GTF2A1: variants seen among roughly 807,000 people sequenced by gnomAD.
The protein encoded by GTF2A1 is general transcription factor IIA subunit 1.
GTF2A1 carries 12 observed loss-of-function variants against 54.1 expected under a neutral mutation model. The observed-to-expected ratio is 0.22, with a 90% CI of 0.14 to 0.36. The LOEUF is 0.36. Among genes scored for constraint, GTF2A1 ranks in the 10% least tolerant of loss-of-function variants. The pLI, the probability that GTF2A1 is intolerant of heterozygous loss-of-function variation, is 1.00. For missense variants in GTF2A1, 335 were observed against 442.2 expected (o/e 0.76, Z 2.17); for synonymous variants, 145 against 152.0 (o/e 0.95, Z 0.34).
chr14:81,203,390 T>C (rs756520679), intron 3 of GTF2A1, among the ~76,000 whole-genome samples: 1 of 152,222 alleles, frequency 6.6e-6, no homozygotes, highest in African/African-American at 2.4e-5. Flanking sequence ...CATAAATTCC[T>C]ATGGAGCTGA....
chr14:81,194,894 G>A (rs1178329998), intron 6 of GTF2A1, among the ~76,000 whole-genome samples: 1 of 152,222 alleles, frequency 6.6e-6, no homozygotes, highest in African/African-American at 2.4e-5. Context: ...CATAATCCCA[G>A]CACTTTGGGA....
chr14:81,207,486 T>C, intron 2 of GTF2A1, among the ~76,000 whole-genome samples: 1 of 152,168 alleles, frequency 6.6e-6, no homozygotes, highest in Non-Finnish European at 1.5e-5. Context: ...TTTGGGTATG[T>C]CTTCATCAGC....
In GTF2A1 at chr14:81,196,173, C is replaced by A. The variant is rs756534940; in HGVS notation, c.547G>T (p.Val183Phe). 1 of 1,613,878 alleles carries A rather than the reference C, an allele frequency of 6.2e-7. No individual in the cohort carries two copies. The highest frequency in any genetic ancestry group is 8.5e-7 in the Non-Finnish European group (1 of 1,179,764). The change falls in exon 6 of 9, where the codon GTT (valine) becomes TTT (phenylalanine). Residue 183 changes from valine (V) to phenylalanine (F), a missense_variant. Physicochemically the swap from Val to Phe is conservative, Grantham distance 50. Around this residue, in one of 2 missense-constraint regions of GTF2A1, gnomAD observed 306 missense variants for 360.4 expected, o/e 0.85. Coordinates refer to ENST00000553612, the MANE Select transcript of GTF2A1 (RefSeq NM_015859.4). ...QYIFQPQQSV[V>F]LQQQVIPQMQ... ...TGTGGTATAACCTGTTGTTGTAGAACCACTGACTGCTGAGGCTGAAAGATA... is the reference window on the plus strand; with the variant it reads ...TGTGGTATAACCTGTTGTTGTAGAAACACTGACTGCTGAGGCTGAAAGATA...
chr14:81,207,696 T>A lies in GTF2A1; in HGVS notation c.133-3592A>T, dbSNP rs567505660. Among the ~76,000 whole-genome samples, 317 of 152,282 alleles carry A rather than the reference T, an allele frequency of 2.1e-3. 1 individual carries two copies. The highest frequency in any genetic ancestry group is 7.3e-3 in the African/African-American group (304 of 41,550). The stretch of plus-strand genomic sequence containing the variant: ...ACTTGTTGAATGGCTTTGACGAAAA[T>A]GCTGATAGTGATATGAACAATAAGG... On this transcript the variant is annotated intron_variant, in intron 2 of 8. Coordinates refer to ENST00000553612, the MANE Select transcript of GTF2A1 (RefSeq NM_015859.4).
chr14:81,208,725 G>A (rs1893297146), intron 2 of GTF2A1, among the ~76,000 whole-genome samples: 1 of 152,192 alleles, frequency 6.6e-6, no homozygotes, highest in South Asian at 2.1e-4. Flanking sequence ...CCAAGACCGT[G>A]GGAACCCACC....
At chr14:81,180,770 C>T (rs1033634443) in intron 8 of GTF2A1, among the ~76,000 whole-genome samples, 1 of 152,098 alleles carries the variant, frequency 6.6e-6, no homozygotes. Flanking sequence ...TATTTCTTTA[C>T]AAAATGTCTT....
At chr14:81,206,159 C>G (rs139148821) in intron 2 of GTF2A1, among the ~76,000 whole-genome samples, 2 of 152,224 alleles carry the variant, frequency 1.3e-5, no homozygotes, top group East Asian at 3.9e-4. Context: ...TACGAAGCTC[C>G]TATGATAATG....
chr14:81,195,545 T>C (rs1371713828), intron 6 of GTF2A1, among the ~76,000 whole-genome samples: 1 of 141,370 alleles, frequency 7.1e-6, no homozygotes, highest in Non-Finnish European at 1.5e-5. Context: ...GGCAGGAGAA[T>C]GGCATGAACC....
At chr14:81,211,875 TTATA>T (rs757044041) in intron 2 of GTF2A1, among the ~76,000 whole-genome samples, 1,078 of 68,464 alleles carry the variant, frequency 0.016, 62 homozygotes, top group African/African-American at 0.047. Context: ...ATCAAGTACT[TTATA>T]TATATATATA....
chr14:81,202,580 G>A (rs1893137380), intron 3 of GTF2A1: 2 of 481,920 alleles, frequency 4.2e-6, no homozygotes, highest in Non-Finnish European at 8.2e-6. Context: ...CATCAATATG[G>A]TGGCCTCCTG....
At chr14:81,219,295 T>C (rs1893554930) in intron 1 of GTF2A1, among the ~76,000 whole-genome samples, 1 of 152,114 alleles carries the variant, frequency 6.6e-6, no homozygotes. Flanking sequence ...AGAAATAAAC[T>C]GAGCTCTGCA....
At chr14:81,207,534 T>C (rs765681403) in intron 2 of GTF2A1, among the ~76,000 whole-genome samples, 12 of 151,918 alleles carry the variant, frequency 7.9e-5, no homozygotes, top group African/African-American at 2.4e-4. Context: ...CTGGTACCAG[T>C]AGAGTCAGGG....
chr14:81,209,441 G>A (rs1033629694), intron 2 of GTF2A1, among the ~76,000 whole-genome samples: 1 of 152,118 alleles, frequency 6.6e-6, no homozygotes, highest in African/African-American at 2.4e-5. Context: ...TTTATCAGCA[G>A]TATGTATACG....
chr14:81,203,728 C>A (rs1191094470), intron 3 of GTF2A1, among the ~76,000 whole-genome samples, 172 bp downstream of exon 3: 1 of 152,116 alleles, frequency 6.6e-6, no homozygotes, highest in Non-Finnish European at 1.5e-5. Flanking sequence ...CATCCCTCAG[C>A]CAAGAGAAAG....
chr14:81,210,452 G>C (rs1893338560), intron 2 of GTF2A1, among the ~76,000 whole-genome samples: 1 of 151,870 alleles, frequency 6.6e-6, no homozygotes, highest in Admixed American at 6.6e-5. Flanking sequence ...AGATCACGAG[G>C]GCAGGAGTTC....
At chr14:81,185,644 A>C (rs754637680) in intron 7 of GTF2A1, 24 bp from the exon 8 acceptor site, 4 of 1,310,078 alleles carry the variant, frequency 3.1e-6, no homozygotes, top group Non-Finnish European at 3.3e-6. Context: ...GAGAGTTCTT[A>C]TTACTATAAG....
At position 81,197,392 on chromosome 14, in the gene GTF2A1, C is replaced by T; in HGVS notation, c.478+17G>A. Reference sequence around the variant, plus strand: ...TTCTGAATTACATTTTAAAATGGTTCCATCATTCCTAATTACCTGAATTTG... The same window carrying T: ...TTCTGAATTACATTTTAAAATGGTTTCATCATTCCTAATTACCTGAATTTG... On this transcript the variant is annotated intron_variant, in intron 5 of 8. Transcript: ENST00000553612. 1.5e-6 allele frequency: 2 copies of T among 1,341,004 alleles called. No homozygotes were observed. Among genetic ancestry groups the T allele is most frequent in the Non-Finnish European group, 1.1e-6 (1 of 943,292 alleles). The allele number at this position is 1,341,004 out of a possible 1,614,324, so 83.1% of individuals were successfully genotyped here.
At chr14:81,219,771 T>G (rs1893574230) in intron 1 of GTF2A1, among the ~76,000 whole-genome samples, 1 of 152,176 alleles carries the variant, frequency 6.6e-6, no homozygotes, top group Non-Finnish European at 1.5e-5. Flanking sequence ...AAGAAGTAGG[T>G]AAATTTCAAG....
intron 4 of GTF2A1, among the ~76,000 whole-genome samples, chr14:81,199,439 A>G (rs1463967420): frequency 1.3e-5 from 2 of 152,244 alleles, no homozygotes; most frequent in Non-Finnish European, 2.9e-5. Flanking sequence ...AGTTCCCTGA[A>G]ATAGCCTTCT....
Sources: gnomAD v4.1 joint callset for allele counts (sites outside exome capture counted in the v4.1 genomes callset) on GRCh38, gnomAD v4.1.1 for gene constraint, gnomAD v4.1.1 regional missense constraint, MANE v1.5 for transcripts, NCBI Gene and HGNC (gene_info 2026-07-23, HGNC 2026-07-21) for gene names.